Variants in WNT7B observed in about 807,000 individuals in gnomAD.
WNT7B encodes the protein Wnt family member 7B.
WNT7B carries 19 observed loss-of-function variants against 38.2 expected under a neutral mutation model. The ratio of observed to expected loss-of-function variants is 0.50; its 90% CI spans 0.35 to 0.73. The LOEUF (loss-of-function observed/expected upper bound fraction) is 0.73. Ranked by LOEUF, WNT7B falls within the 30% of genes least tolerant of loss-of-function variation. The pLI is 0.01. For synonymous variants in WNT7B, 243 were observed against 209.3 expected, an observed-to-expected ratio of 1.16 and a Z score of -1.39; for missense variants, 423 against 507.9, an observed-to-expected ratio of 0.83 and a Z score of 1.61.
Position 45,931,056 on chromosome 22 carries a change from C to A in WNT7B, c.570+42G>T, listed in dbSNP as rs375909400. 3 of 1,524,184 alleles carry A rather than the reference C, an allele frequency of 2.0e-6. No individual in the cohort carries two copies. The African/African-American group carries it at 4.1e-5, about 21-fold the overall frequency. 94.4% of individuals were successfully genotyped at this position (1,524,184 alleles called of 1,614,324 possible). On this transcript the variant is annotated intron_variant, in intron 3 of 3. Transcript: ENST00000339464. ...TCCGAGAGGTCAGCGGGTGATACAG[C>A]GGTCCCAGCTACGGCCCCCACCAGC...
chr22:45,934,792 T>C (rs770182000), intron 2 of WNT7B, among the ~76,000 whole-genome samples: 3 of 152,218 alleles, frequency 2.0e-5, no homozygotes, highest in Non-Finnish European at 2.9e-5. Context: ...TCCTTTTTTA[T>C]TTGCTTTTAA....
Position 45,975,540 on chromosome 22 carries a change from T to G in WNT7B, c.71+1144A>C. The G allele has an allele frequency of 1.4e-6, 1 of 716,884 alleles. No individual in the cohort carries two copies. Among genetic ancestry groups the G allele is most frequent in the Non-Finnish European group, 2.6e-6 (1 of 384,742 alleles). The allele number at this position is 716,884 out of a possible 1,614,324, so 44.4% of individuals were successfully genotyped here. On this transcript the variant is annotated intron_variant, in intron 1 of 3. Coordinates refer to ENST00000339464, the MANE Select transcript of WNT7B (RefSeq NM_058238.3). This position sits in a 1 kb window ranked among gnomAD's most constrained non-coding sequence, Gnocchi z 6.6. Reference sequence around the variant, plus strand: ...TCTGCAGGCCTTGGGCCTCAGTTTCTCCACCTGTAAAATGGCGGGGCAGAC... The same window carrying G: ...TCTGCAGGCCTTGGGCCTCAGTTTCGCCACCTGTAAAATGGCGGGGCAGAC...
In WNT7B at chr22:45,975,743, G is replaced by T. The variant is rs1034537379; in HGVS notation, c.71+941C>A. On this transcript the variant is annotated intron_variant, in intron 1 of 3. Transcript: ENST00000339464. The surrounding 1 kb of genome is among the most constrained non-coding windows in gnomAD (Gnocchi z 6.6). ...GCAGCCGGCGGCGCACAGTAGGCGCGCAGGGCGCGGCGGGGCCCGGGTCCC... is the reference window on the plus strand; with the variant it reads ...GCAGCCGGCGGCGCACAGTAGGCGCTCAGGGCGCGGCGGGGCCCGGGTCCC... 2.5e-6 allele frequency: 1 copy of T among 398,418 alleles called. No individual in the cohort carries two copies. The highest frequency in any genetic ancestry group is 3.8e-5 in the East Asian group (1 of 26,230). 24.7% of individuals were successfully genotyped at this position (398,418 alleles called of 1,614,324 possible). A position where few individuals can be genotyped will look rare whatever the true frequency, so the allele number is the denominator to read the frequency against.
At chr22:45,964,262 C>G (rs944971897) in intron 1 of WNT7B, among the ~76,000 whole-genome samples, 2 of 152,136 alleles carry the variant, frequency 1.3e-5, no homozygotes, top group African/African-American at 4.8e-5. Flanking sequence ...CTGTCACCCC[C>G]AGGAACACTC....
rs185254400 is a variant in WNT7B, at chr22:45,935,816, C to T, written c.299-4447G>A. On this transcript the variant is annotated intron_variant, in intron 2 of 3. Coordinates refer to ENST00000339464, the MANE Select transcript of WNT7B (RefSeq NM_058238.3). ...AGCAGGAAGGGATTTGCAATAGGCC[C>T]ATGGCAGTGACGAAAGCCATCTGAG... 224 of 985,358 alleles carry T rather than the reference C, an allele frequency of 2.3e-4. No homozygotes were observed. The African/African-American group carries it at 3.7e-3, about 16-fold the overall frequency. The allele number at this position is 985,358 out of a possible 1,614,324, so 61.0% of individuals were successfully genotyped here.
At chr22:45,970,339 C>T (rs1351461306) in intron 1 of WNT7B, among the ~76,000 whole-genome samples, 3 of 152,230 alleles carry the variant, frequency 2.0e-5, no homozygotes, top group East Asian at 1.9e-4. Flanking sequence ...GGGCAGTGCA[C>T]ACTCCAGGAG....
At chr22:45,930,844 C>T (rs1931324509) in intron 3 of WNT7B, among the ~76,000 whole-genome samples, 1 of 152,336 alleles carries the variant, frequency 6.6e-6, no homozygotes, top group African/African-American at 2.4e-5. Flanking sequence ...AATGGAGTCC[C>T]CATCTTCCCT....
At position 45,951,958 on chromosome 22, in the gene WNT7B, C is replaced by T. The variant is rs112094264; in HGVS notation, c.72-1812G>A. Among the ~76,000 whole-genome samples, 298 of 152,296 alleles carry T rather than the reference C, an allele frequency of 2.0e-3. 2 individuals carry two copies. Among genetic ancestry groups the T allele is most frequent in the African/African-American group, 7.0e-3 (290 of 41,558 alleles). ...GGACTTGCCGGACTGCCCTCCACAGCGGCTGCCCCAGTCATCTGGCTTTAA... is the reference window on the plus strand; with the variant it reads ...GGACTTGCCGGACTGCCCTCCACAGTGGCTGCCCCAGTCATCTGGCTTTAA... On this transcript the variant is annotated intron_variant, in intron 1 of 3. Coordinates refer to ENST00000339464, the MANE Select transcript of WNT7B (RefSeq NM_058238.3). The surrounding 1 kb of genome is among the most constrained non-coding windows in gnomAD (Gnocchi z 4.8).
chr22:45,951,481 G>C lies in WNT7B; in HGVS notation c.72-1335C>G, dbSNP rs895932864. Among the ~76,000 whole-genome samples the C allele has an allele frequency of 6.6e-6, 1 of 152,096 alleles. No homozygotes were observed. The highest frequency in any genetic ancestry group is 1.5e-5 in the Non-Finnish European group (1 of 68,022). ...TACATTCGGTGTTGTGCAACCTCCAGCACCGTCAGGTTCCCAGATATTTCT... is the reference window on the plus strand; with the variant it reads ...TACATTCGGTGTTGTGCAACCTCCACCACCGTCAGGTTCCCAGATATTTCT... On this transcript the variant is annotated intron_variant, in intron 1 of 3. Transcript: ENST00000339464. This position sits in a 1 kb window ranked among gnomAD's most constrained non-coding sequence, Gnocchi z 4.8.
intron 1 of WNT7B, among the ~76,000 whole-genome samples, chr22:45,953,465 G>T (rs895155611): frequency 1.3e-5 from 2 of 152,234 alleles, no homozygotes; most frequent in Non-Finnish European, 2.9e-5. Flanking sequence ...GCCATCCCGA[G>T]TGTTTGTGGA....
At position 45,951,245 on chromosome 22, in the gene WNT7B, T is replaced by C. The variant is rs1465331359; in HGVS notation, c.72-1099A>G. 1.3e-5 allele frequency among the ~76,000 whole-genome samples: 2 copies of C among 152,002 alleles called. No individual in the cohort carries two copies. Among genetic ancestry groups the C allele is most frequent in the African/African-American group, 2.4e-5 (1 of 41,356 alleles). On this transcript the variant is annotated intron_variant, in intron 1 of 3. Transcript: ENST00000339464. The surrounding 1 kb of genome is among the most constrained non-coding windows in gnomAD (Gnocchi z 4.8). ...TTGCCCACCACCACACCCGGCTAATTTTTGTATTTTTAGTAGAGACAGGAT... is the reference window on the plus strand; with the variant it reads ...TTGCCCACCACCACACCCGGCTAATCTTTGTATTTTTAGTAGAGACAGGAT...
At chr22:45,927,017 G>C (rs571769141) in intron 3 of WNT7B, 1 of 985,326 alleles carries the variant, frequency 1.0e-6, no homozygotes, top group Non-Finnish European at 1.2e-6. Flanking sequence ...ACTCCACAGC[G>C]ATAGCTTCTA....
chr22:45,939,034 T>C (rs1931579013), intron 2 of WNT7B, among the ~76,000 whole-genome samples: 1 of 152,160 alleles, frequency 6.6e-6, no homozygotes. Context: ...GTCAAGGAAA[T>C]GCAAATCCAA....
At chr22:45,943,071 ATG>A (rs1472444573) in intron 2 of WNT7B, among the ~76,000 whole-genome samples, 1 of 148,262 alleles carries the variant, frequency 6.7e-6, no homozygotes, top group Non-Finnish European at 1.5e-5. Context: ...CAGTGTGCAC[ATG>A]TGTGCACGTG....
At position 45,971,465 on chromosome 22, in the gene WNT7B, G is replaced by C. The variant is rs1278027503; in HGVS notation, c.71+5219C>G. Among the ~76,000 whole-genome samples, 4 of 152,184 alleles carry C rather than the reference G, an allele frequency of 2.6e-5. No homozygotes were observed. In the East Asian group the frequency reaches 7.7e-4, roughly 29 times the overall value. The stretch of plus-strand genomic sequence containing the variant: ...CCTGCCCGGAGCTTCTCAGAGCCCC[G>C]TGGGCTCTGCCTTGCCGGGCACACA... On this transcript the variant is annotated intron_variant, in intron 1 of 3. Coordinates refer to ENST00000339464, the MANE Select transcript of WNT7B (RefSeq NM_058238.3).
intron 2 of WNT7B, among the ~76,000 whole-genome samples, chr22:45,944,122 C>T (rs949561120): frequency 2.6e-5 from 4 of 152,178 alleles, no homozygotes; most frequent in Non-Finnish European, 5.9e-5. Flanking sequence ...CAGTGGGACC[C>T]GGGCAGATAG....
In WNT7B at chr22:45,951,463, G is replaced by T. The variant is rs1054786699; in HGVS notation, c.72-1317C>A. On this transcript the variant is annotated intron_variant, in intron 1 of 3. Transcript: ENST00000339464. The surrounding 1 kb of genome is among the most constrained non-coding windows in gnomAD (Gnocchi z 4.8). ...CAGTTCTGTGGCATTTAATACATTCGGTGTTGTGCAACCTCCAGCACCGTC... is the reference window on the plus strand; with the variant it reads ...CAGTTCTGTGGCATTTAATACATTCTGTGTTGTGCAACCTCCAGCACCGTC... Among the ~76,000 whole-genome samples, 2 of 150,168 alleles carry T rather than the reference G, an allele frequency of 1.3e-5. No homozygotes were observed. The highest frequency in any genetic ancestry group is 1.4e-4 in the Admixed American group (2 of 13,894).
rs978948163 is a variant in WNT7B, at chr22:45,975,715, G to A, written c.71+969C>T. On this transcript the variant is annotated intron_variant, in intron 1 of 3. Transcript: ENST00000339464. This position sits in a 1 kb window ranked among gnomAD's most constrained non-coding sequence, Gnocchi z 6.6. Reference sequence around the variant, plus strand: ...CTGTGGCCTGGACGGGGCTCGCCTCGGGGCAGCCGGCGGCGCACAGTAGGC... The same window carrying A: ...CTGTGGCCTGGACGGGGCTCGCCTCAGGGCAGCCGGCGGCGCACAGTAGGC... 3 of 484,124 alleles carry A rather than the reference G, an allele frequency of 6.2e-6. No individual in the cohort carries two copies. The highest frequency in any genetic ancestry group is 4.0e-5 in the African/African-American group (2 of 49,974). The allele number at this position is 484,124 out of a possible 1,614,324, so 30.0% of individuals were successfully genotyped here. A position where few individuals can be genotyped will look rare whatever the true frequency, so the allele number is the denominator to read the frequency against.
At chr22:45,931,493 T>C in intron 2 of WNT7B, 124 bp from the exon 3 acceptor site, 1 of 1,199,928 alleles carries the variant, frequency 8.3e-7, no homozygotes, top group South Asian at 1.6e-5. Context: ...GGCTCATCGC[T>C]CGCCCCCTCT....
Sources: allele counts gnomAD v4.1 joint callset (sites outside exome capture counted in the v4.1 genomes callset), GRCh38; gene constraint gnomAD v4.1.1; non-coding constraint Gnocchi (gnomAD v3.1); transcripts MANE v1.5; gene names NCBI Gene and HGNC (gene_info 2026-07-23, HGNC 2026-07-21).